Variants in HSPG2 observed in about 807,000 individuals in gnomAD.
HSPG2 encodes basement membrane-specific heparan sulfate proteoglycan core protein.
HSPG2 carries 278 observed loss-of-function variants against 526.6 expected under a neutral mutation model. The observed-to-expected ratio is 0.53, with a 90% confidence interval of 0.48 to 0.58. HSPG2 has a LOEUF of 0.58. Among genes scored for constraint, HSPG2 ranks in the 20% least tolerant of loss-of-function variants. HSPG2 has a pLI of 0.00. For synonymous variants in HSPG2, 2,465 were observed against 2,555.4 expected (o/e 0.96, Z 1.07); for missense variants, 5,354 against 6,099.5 (o/e 0.88, Z 4.07).
intron 1 of HSPG2, among the ~76,000 whole-genome samples, chr1:21,901,686 C>A (rs1195299634): frequency 6.6e-6 from 1 of 152,162 alleles, no homozygotes. Flanking sequence ...GGTCTGAGCA[C>A]TGCACAGTCC....
chr1:21,861,776 T>C lies in HSPG2; in HGVS notation c.4936A>G (p.Thr1646Ala), dbSNP rs770509712. ...YRCTACEPGYTGQYCEQCGPG... is the reference protein window; with the variant it reads ...YRCTACEPGYAGQYCEQCGPG... Reference sequence around the variant, plus strand: ...ACTTACTGCTCACAGTACTGGCCAGTGTAGCCGGGTTCGCAGGCCGTGCAG... The same window carrying C: ...ACTTACTGCTCACAGTACTGGCCAGCGTAGCCGGGTTCGCAGGCCGTGCAG... Residue 1646 changes from threonine (T) to alanine (A), a missense_variant, in exon 39 of 97, where the codon ACT (threonine) becomes GCT (alanine). By Grantham distance (58) the Thr-to-Ala change is moderately conservative. Coordinates refer to ENST00000374695, the MANE Select transcript of HSPG2 (RefSeq NM_005529.7). 8 of 1,613,742 alleles carry C rather than the reference T, an allele frequency of 5.0e-6. No individual in the cohort carries two copies. The highest frequency in any genetic ancestry group is 4.2e-6 in the Non-Finnish European group (5 of 1,179,934).
At chr1:21,931,406 G>C (rs1393169114) in intron 1 of HSPG2, among the ~76,000 whole-genome samples, 10 of 152,244 alleles carry the variant, frequency 6.6e-5, no homozygotes, top group Admixed American at 6.5e-4. Flanking sequence ...CCAGGCGGAA[G>C]CAACATTCCA....
At chr1:21,879,938 C>A (rs1047593937) in intron 17 of HSPG2, among the ~76,000 whole-genome samples, 169 bp downstream of exon 17, 1 of 152,252 alleles carries the variant, frequency 6.6e-6, no homozygotes, top group African/African-American at 2.4e-5. Context: ...CAGGCATGAG[C>A]CACTGCGCCT....
chr1:21,899,547 C>A (rs1284164093), intron 1 of HSPG2, among the ~76,000 whole-genome samples: 1 of 152,042 alleles, frequency 6.6e-6, no homozygotes, highest in African/African-American at 2.4e-5. Context: ...AGATTTGAAC[C>A]CTGGTGGTCG....
chr1:21,903,824 C>A (rs1643225745), intron 1 of HSPG2, among the ~76,000 whole-genome samples: 1 of 152,038 alleles, frequency 6.6e-6, no homozygotes, highest in Non-Finnish European at 1.5e-5. Flanking sequence ...GGGTGGGCAC[C>A]CAACCCGGTC....
At chr1:21,917,475 AAATAAAT>A (rs1643915004) in intron 1 of HSPG2, among the ~76,000 whole-genome samples, 2 of 142,040 alleles carry the variant, frequency 1.4e-5, no homozygotes, top group South Asian at 4.4e-4. Flanking sequence ...ATAAATAAAT[AAATAAAT>A]AAAAATAAAA....
At position 21,830,012 on chromosome 1, in the gene HSPG2, C is replaced by A; in HGVS notation, c.11751G>T (p.Ser3917=). 1 of 1,610,108 alleles carries A rather than the reference C, an allele frequency of 6.2e-7. No homozygotes were observed. The highest frequency in any genetic ancestry group is 1.7e-5 in the Admixed American group (1 of 59,692). The change falls in exon 86 of 97, where the codon TCG becomes TCT. Residue 3917 remains serine (S), a synonymous_variant. Coordinates refer to ENST00000374695, the MANE Select transcript of HSPG2 (RefSeq NM_005529.7). ...CCTCACCTTCCTCACACCGCAACCC[C>A]GAGCGGCCCAGGTGGCAGCGGCAGG... ...GYTCRCHLGR[S]GLRCEEGVTV... is the part of the protein sequence containing the mutation.
intron 1 of HSPG2, among the ~76,000 whole-genome samples, chr1:21,900,222 G>A (rs1267104815): frequency 1.3e-5 from 2 of 152,220 alleles, no homozygotes; most frequent in Non-Finnish European, 2.9e-5. Flanking sequence ...AAGCAGAGAG[G>A]GGGATTTTCC....
chr1:21,838,456 G>A (rs1189854077), intron 74 of HSPG2, among the ~76,000 whole-genome samples: 1 of 152,256 alleles, frequency 6.6e-6, no homozygotes, highest in East Asian at 1.9e-4. Context: ...AGCCCATCCT[G>A]GGCCTTGTTG....
rs1344174064 is a variant in HSPG2 at position 21,865,158 on chromosome 1, A to G, written c.4396-85T>C. Reference sequence around the variant, plus strand: ...TACCACCCCCCAAATCCTGCCTTACAGGCACTGACTGAGGGCTGCCAGGTG... The same window carrying G: ...TACCACCCCCCAAATCCTGCCTTACGGGCACTGACTGAGGGCTGCCAGGTG... On this transcript the variant is annotated intron_variant, in intron 35 of 96. Coordinates refer to ENST00000374695, the MANE Select transcript of HSPG2 (RefSeq NM_005529.7). The surrounding 1 kb of genome is among the most constrained non-coding windows in gnomAD (Gnocchi z 5.4). The G allele has an allele frequency of 1.3e-6, 2 of 1,526,664 alleles. No individual in the cohort carries two copies. The highest frequency in any genetic ancestry group is 1.8e-6 in the Non-Finnish European group (2 of 1,102,818). The allele number at this position is 1,526,664 out of a possible 1,614,324, so 94.6% of individuals were successfully genotyped here.
At chr1:21,831,901 C>G (rs1159012495) in intron 81 of HSPG2, 105 bp from the exon 82 acceptor site, 1 of 1,223,322 alleles carries the variant, frequency 8.2e-7, no homozygotes, top group African/African-American at 1.5e-5. Flanking sequence ...GATGTCACCA[C>G]TTCCTGCAGT....
rs530923054 is a variant in HSPG2 at position 21,847,338 on chromosome 1, T to A, written c.8164+16A>T. On this transcript the variant is annotated intron_variant, in intron 62 of 96. Transcript: ENST00000374695. The surrounding 1 kb of genome is among the most constrained non-coding windows in gnomAD (Gnocchi z 4.1). ...CTGTTGCCTGCATCCCTCGTCCCTT[T>A]CCTAGGCAGACTCACCGGAGGGGCT... 1.9e-6 allele frequency: 3 copies of A among 1,613,790 alleles called. No individual in the cohort carries two copies. In the East Asian group the frequency reaches 6.7e-5, roughly 36 times the overall value.
At chr1:21,888,509 T>A (rs1476631414) in intron 6 of HSPG2, among the ~76,000 whole-genome samples, 1 of 152,252 alleles carries the variant, frequency 6.6e-6, no homozygotes, top group Non-Finnish European at 1.5e-5. Flanking sequence ...TCTTGCTACG[T>A]TGCCCAAGCT....
chr1:21,832,570 C>T lies in HSPG2; in HGVS notation c.11132G>A (p.Gly3711Glu). ...CCGGTTGGCCAGGTTGGTGGGGCTC[C>T]CTGGGACTCGCTTCTGCCCATTGTA... ...LLYNGQKRVP[G>E]SPTNLANRQP... is the part of the protein sequence containing the mutation. The change falls in exon 81 of 97, where the codon GGG (glycine) becomes GAG (glutamate). Residue 3711 changes from glycine (G) to glutamate (E), a missense_variant. Gly to Glu is a moderately conservative substitution (Grantham distance 98). Transcript: ENST00000374695. 6.2e-7 allele frequency: 1 copy of T among 1,614,190 alleles called. No individual in the cohort carries two copies. Among genetic ancestry groups the T allele is most frequent in the African/African-American group, 1.3e-5 (1 of 75,060 alleles).
At chr1:21,867,676 A>G (rs546371963) in intron 33 of HSPG2, among the ~76,000 whole-genome samples, 1 of 151,926 alleles carries the variant, frequency 6.6e-6, no homozygotes, top group East Asian at 1.9e-4. Flanking sequence ...TCTTATCCTC[A>G]CCCCTCAACC....
rs1027911093 is a variant in HSPG2 at position 21,865,659 on chromosome 1, G to C, written c.4314+58C>G. 6.6e-6 allele frequency: 9 copies of C among 1,356,614 alleles called. No homozygotes were observed. In the African/African-American group the frequency reaches 1.3e-4, roughly 19 times the overall value. 84.0% of individuals were successfully genotyped at this position (1,356,614 alleles called of 1,614,324 possible). A position where few individuals can be genotyped will look rare whatever the true frequency, so the allele number is the denominator to read the frequency against. ...AAAGGACAAAGGACAAATGCCGAGG[G>C]TGCCCCTGGCTTCCATCCTGCCCTT... On this transcript the variant is annotated intron_variant, in intron 34 of 96. Transcript: ENST00000374695. The surrounding 1 kb of genome is among the most constrained non-coding windows in gnomAD (Gnocchi z 5.4).
intron 13 of HSPG2, 125 bp from the exon 14 acceptor site, chr1:21,881,627 A>C (rs1232653638): frequency 1.1e-6 from 1 of 925,122 alleles, no homozygotes. Flanking sequence ...GAAAACTTTG[A>C]TCTCTCTTCC....
intron 77 of HSPG2, 33 bp from the exon 78 acceptor site, chr1:21,833,958 C>A: frequency 4.2e-6 from 6 of 1,428,810 alleles, no homozygotes; most frequent in Non-Finnish European, 5.8e-6. Flanking sequence ...AGGCCATCAA[C>A]ATGACAGTCA....
At chr1:21,845,702 T>G (rs1285661424) in intron 64 of HSPG2, among the ~76,000 whole-genome samples, 1 of 152,146 alleles carries the variant, frequency 6.6e-6, no homozygotes, top group Non-Finnish European at 1.5e-5. Flanking sequence ...TAAATCACCC[T>G]CCAATACTCG....
Sources: allele counts gnomAD v4.1 joint callset (sites outside exome capture counted in the v4.1 genomes callset), GRCh38; gene constraint gnomAD v4.1.1; non-coding constraint Gnocchi (gnomAD v3.1); transcripts MANE v1.5; gene names NCBI Gene and HGNC (gene_info 2026-07-23, HGNC 2026-07-21).